The following PACSIN1 variants were observed in gnomAD, a reference collection of about 807,000 sequenced individuals.
PACSIN1 encodes protein kinase C and casein kinase substrate in neurons 1.
PACSIN1 carries 15 observed loss-of-function variants against 59.5 expected under a neutral mutation model. That is an observed-to-expected ratio of 0.25 (90% CI 0.17 to 0.39). The LOEUF is 0.39. Ranked by LOEUF, PACSIN1 falls within the 10% of genes least tolerant of loss-of-function variation. The probability of loss-of-function intolerance (pLI) is 1.00; values close to 1 mark genes in which losing one functional copy is unlikely to be tolerated. For synonymous variants in PACSIN1, 210 were observed against 220.6 expected, an observed-to-expected ratio of 0.95 and a Z score of 0.42; for missense variants, 420 against 580.2, an observed-to-expected ratio of 0.72 and a Z score of 2.84.
At chr6:34,484,719 ACT>A (rs922910745) in intron 1 of PACSIN1, among the ~76,000 whole-genome samples, 13 of 151,912 alleles carry the variant, frequency 8.6e-5, no homozygotes, top group Non-Finnish European at 1.6e-4. Context: ...GTGTATGGGA[ACT>A]CTCTGTATTT....
At chr6:34,502,814 A>C (rs1767045071) in intron 1 of PACSIN1, among the ~76,000 whole-genome samples, 1 of 152,164 alleles carries the variant, frequency 6.6e-6, no homozygotes, top group Non-Finnish European at 1.5e-5. Flanking sequence ...CATGTGGAAG[A>C]GAAGAGCCAC....
At chr6:34,496,983 C>T (rs1480495337) in intron 1 of PACSIN1, among the ~76,000 whole-genome samples, 1 of 118,634 alleles carries the variant, frequency 8.4e-6, no homozygotes, top group African/African-American at 3.3e-5. Flanking sequence ...TCATCTTGCT[C>T]TGTCACCCAG....
chr6:34,477,583 A>T (rs1213455599), intron 1 of PACSIN1, among the ~76,000 whole-genome samples: 23 of 152,068 alleles, frequency 1.5e-4, no homozygotes, highest in Non-Finnish European at 1.5e-5. Flanking sequence ...AATTTCCATC[A>T]TATTTTCTCT....
intron 1 of PACSIN1, among the ~76,000 whole-genome samples, chr6:34,513,694 CTAGGG>C (rs1767240845): frequency 6.6e-6 from 1 of 151,908 alleles, no homozygotes; most frequent in Non-Finnish European, 1.5e-5. Context: ...TGAGGGGGCT[CTAGGG>C]GGGATCTAGT....
chr6:34,525,353 G>A lies in PACSIN1; in HGVS notation c.-63-890G>A, dbSNP rs990066739. Among the ~76,000 whole-genome samples, 41 of 152,218 alleles carry A rather than the reference G, an allele frequency of 2.7e-4. 1 individual carries two copies. Among genetic ancestry groups the A allele is most frequent in the Admixed American group, 2.7e-3 (41 of 15,286 alleles). ...GACATCCTCCACCAACCATTCTTAC[G>A]TGTTATTGCCCCTGCCCTGAGCCTG... On this transcript the variant is annotated intron_variant, in intron 1 of 9. Coordinates refer to ENST00000244458, the MANE Select transcript of PACSIN1 (RefSeq NM_020804.5). The surrounding 1 kb of genome is among the most constrained non-coding windows in gnomAD (Gnocchi z 4.9).
intron 1 of PACSIN1, among the ~76,000 whole-genome samples, chr6:34,469,209 G>A (rs1166086071): frequency 6.6e-6 from 1 of 151,994 alleles, no homozygotes; most frequent in Non-Finnish European, 1.5e-5. Flanking sequence ...TGCTTGGTTT[G>A]GTTTTACATT....
intron 1 of PACSIN1, among the ~76,000 whole-genome samples, chr6:34,469,759 G>A (rs1171668832): frequency 6.6e-6 from 1 of 152,154 alleles, no homozygotes; most frequent in Admixed American, 6.5e-5. Context: ...ACCCCCTGGG[G>A]CAACAGGTAG....
In PACSIN1 at chr6:34,529,961, C is replaced by T. The variant is rs370956007; in HGVS notation, c.788+120C>T. The T allele has an allele frequency of 1.6e-5, 19 of 1,180,618 alleles. No individual in the cohort carries two copies. The highest frequency in any genetic ancestry group is 1.5e-4 in the African/African-American group (10 of 65,782). The allele number at this position is 1,180,618 out of a possible 1,614,324, so 73.1% of individuals were successfully genotyped here. A position where few individuals can be genotyped will look rare whatever the true frequency, so the allele number is the denominator to read the frequency against. On this transcript the variant is annotated intron_variant, in intron 6 of 9. Coordinates refer to ENST00000244458, the MANE Select transcript of PACSIN1 (RefSeq NM_020804.5). The surrounding 1 kb of genome is among the most constrained non-coding windows in gnomAD (Gnocchi z 6.3). The stretch of plus-strand genomic sequence containing the variant: ...GAAGGGGAGGCAGAGCTGCAGGGGT[C>T]AAGAAGGATGAGGCTTCAAACACAG...
rs1175831321 is a variant in PACSIN1, at chr6:34,528,779, G to A, written c.358G>A (p.Ala120Thr). The change falls in exon 4 of 10, where the codon GCC (alanine) becomes ACC (threonine). Residue 120 changes from alanine to threonine, a missense_variant. Coordinates refer to ENST00000244458, the MANE Select transcript of PACSIN1 (RefSeq NM_020804.5). ...GAAGGTGAAGAACTGGCAGAAGGAC[G>A]CCTATCACAAGCAGATCATGGGTGG... ...LEKVKNWQKD[A>T]YHKQIMGGFK... 15 of 1,613,876 alleles carry A rather than the reference G, an allele frequency of 9.3e-6. No individual in the cohort carries two copies. Among genetic ancestry groups the A allele is most frequent in the African/African-American group, 1.3e-5 (1 of 74,874 alleles).
Position 34,529,954 on chromosome 6 carries a change from C to T in PACSIN1, c.788+113C>T. ...GTGACGGGAAGGGGAGGCAGAGCTG[C>T]AGGGGTCAAGAAGGATGAGGCTTCA... is the stretch of plus-strand genomic sequence containing the variant. On this transcript the variant is annotated intron_variant, in intron 6 of 9. Coordinates refer to ENST00000244458, the MANE Select transcript of PACSIN1 (RefSeq NM_020804.5). This position sits in a 1 kb window ranked among gnomAD's most constrained non-coding sequence, Gnocchi z 6.3. 1 of 1,236,302 alleles carries T rather than the reference C, an allele frequency of 8.1e-7. No homozygotes were observed. Among genetic ancestry groups the T allele is most frequent in the Non-Finnish European group, 1.1e-6 (1 of 886,222 alleles). 76.6% of individuals were successfully genotyped at this position (1,236,302 alleles called of 1,614,324 possible). A position where few individuals can be genotyped will look rare whatever the true frequency, so the allele number is the denominator to read the frequency against.
chr6:34,472,394 T>C (rs1766584506), intron 1 of PACSIN1, among the ~76,000 whole-genome samples: 2 of 149,194 alleles, frequency 1.3e-5, no homozygotes, highest in Admixed American at 6.6e-5. Context: ...GCATACCTGA[T>C]TGTGATTAGA....
rs1767567398 is a variant in PACSIN1, at chr6:34,530,274, G to A, written c.820G>A (p.Ala274Thr). 6.2e-7 allele frequency: 1 copy of A among 1,614,060 alleles called. No individual in the cohort carries two copies. Among genetic ancestry groups the A allele is most frequent in the Non-Finnish European group, 8.5e-7 (1 of 1,179,976 alleles). Reference protein sequence around the residue: ...YIHVYRELEQAIRGADAQEDL... With the variant: ...YIHVYRELEQTIRGADAQEDL... Reference sequence around the variant, plus strand: ...CCATGTGTACCGTGAGCTGGAGCAGGCCATCCGGGGGGCTGATGCCCAGGA... The same window carrying A: ...CCATGTGTACCGTGAGCTGGAGCAGACCATCCGGGGGGCTGATGCCCAGGA... Residue 274 changes from alanine to threonine, a missense_variant, in exon 7 of 10, where the codon GCC (alanine) becomes ACC (threonine). Physicochemically the swap from Ala to Thr is moderately conservative, Grantham distance 58 (BLOSUM62 0). Coordinates refer to ENST00000244458, the MANE Select transcript of PACSIN1 (RefSeq NM_020804.5). The surrounding 1 kb of genome is among the most constrained non-coding windows in gnomAD (Gnocchi z 4.4).
rs1007703968 is a variant in PACSIN1 at position 34,515,428 on chromosome 6, G to A, written c.-63-10815G>A. 5.3e-5 allele frequency among the ~76,000 whole-genome samples: 8 copies of A among 152,264 alleles called. 1 individual carries two copies. The highest frequency in any genetic ancestry group is 2.6e-4 in the Admixed American group (4 of 15,310). ...CAGTCTGAAGCTAGACAGGGTATGC[G>A]GCAGAGGGCAGGGAGGAGTAAGGAT... is the stretch of plus-strand genomic sequence containing the variant. On this transcript the variant is annotated intron_variant, in intron 1 of 9. Coordinates refer to ENST00000244458, the MANE Select transcript of PACSIN1 (RefSeq NM_020804.5). The surrounding 1 kb of genome is among the most constrained non-coding windows in gnomAD (Gnocchi z 4.4).
intron 4 of PACSIN1, 34 bp downstream of exon 4, chr6:34,528,911 G>GGGGGCC: frequency 8.0e-7 from 1 of 1,256,816 alleles, no homozygotes; most frequent in Non-Finnish European, 1.1e-6. Flanking sequence ...GCGGGGTGGG[G>GGGGGCC]TGGGCCCGTC....
chr6:34,473,559 G>T (rs1033494888), intron 1 of PACSIN1, among the ~76,000 whole-genome samples: 1 of 152,048 alleles, frequency 6.6e-6, no homozygotes, highest in East Asian at 1.9e-4. Context: ...GTCTAGCCTT[G>T]ACCAGCCACT....
At position 34,488,675 on chromosome 6, in the gene PACSIN1, G is replaced by A. The variant is rs1019563432; in HGVS notation, c.-64+22405G>A. Among the ~76,000 whole-genome samples, 1 of 152,114 alleles carries A rather than the reference G, an allele frequency of 6.6e-6. No homozygotes were observed. Among genetic ancestry groups the A allele is most frequent in the Non-Finnish European group, 1.5e-5 (1 of 68,032 alleles). On this transcript the variant is annotated intron_variant, in intron 1 of 9. Coordinates refer to ENST00000244458, the MANE Select transcript of PACSIN1 (RefSeq NM_020804.5). This position sits in a 1 kb window ranked among gnomAD's most constrained non-coding sequence, Gnocchi z 4.7. ...TTAGAGTGTGTGCCATGTTCCAGAA[G>A]ACAGCTCACCATCCTTGCAGGAGAT... is the stretch of plus-strand genomic sequence containing the variant.
chr6:34,527,696 AAC>A (rs909698795), intron 3 of PACSIN1: 2 of 401,028 alleles, frequency 5.0e-6, no homozygotes, highest in African/African-American at 4.1e-5. Flanking sequence ...AAAAAAAAAA[AAC>A]ACTTTTTATC....
chr6:34,469,494 C>G (rs568272016), intron 1 of PACSIN1, among the ~76,000 whole-genome samples: 1 of 152,236 alleles, frequency 6.6e-6, no homozygotes, highest in Admixed American at 6.5e-5. Context: ...CGGAGCTTCA[C>G]TGTGGAAAGC....
intron 1 of PACSIN1, among the ~76,000 whole-genome samples, chr6:34,476,558 T>G (rs1766641627): frequency 6.6e-6 from 1 of 152,146 alleles, no homozygotes; most frequent in Non-Finnish European, 1.5e-5. Context: ...CACTTGGCCC[T>G]GCCCCAGATG....
Sources: allele counts gnomAD v4.1 joint callset (sites outside exome capture counted in the v4.1 genomes callset), GRCh38; gene constraint gnomAD v4.1.1; non-coding constraint Gnocchi (gnomAD v3.1); transcripts MANE v1.5; gene names NCBI Gene and HGNC (gene_info 2026-07-23, HGNC 2026-07-21).